The following PPP4R4 variants were observed in gnomAD, a reference collection of about 807,000 sequenced individuals.
PPP4R4 encodes the protein serine/threonine-protein phosphatase 4 regulatory subunit 4.
In PPP4R4, 70 loss-of-function variants were observed where a neutral mutation model predicts 121.8. The ratio of observed to expected loss-of-function variants is 0.57; its 90% CI spans 0.47 to 0.70. The LOEUF (loss-of-function observed/expected upper bound fraction) is 0.70, where lower values mean the gene tolerates loss of function less well. Ranked by LOEUF, PPP4R4 falls within the 30% of genes least tolerant of loss-of-function variation. The pLI, the probability that PPP4R4 is intolerant of heterozygous loss-of-function variation, is 0.00. For missense variants in PPP4R4, 875 were observed against 1,033.6 expected (o/e 0.85, Z 2.10); for synonymous variants, 348 against 355.7 (o/e 0.98, Z 0.24).
intron 3 of PPP4R4, among the ~76,000 whole-genome samples, chr14:94,209,646 C>G (rs1567115918): frequency 6.6e-6 from 1 of 151,986 alleles, no homozygotes; most frequent in Non-Finnish European, 1.5e-5. Context: ...AGGAATTAGG[C>G]CCACACAGAC....
At chr14:94,268,026 A>G (rs549038764) in intron 23 of PPP4R4, among the ~76,000 whole-genome samples, 10 of 152,348 alleles carry the variant, frequency 6.6e-5, no homozygotes, top group African/African-American at 2.4e-4. Context: ...GCAAGAAATA[A>G]TTTGATAACA....
chr14:94,276,145 A>G (rs776219822), intron 24 of PPP4R4, among the ~76,000 whole-genome samples: 7 of 152,228 alleles, frequency 4.6e-5, no homozygotes, highest in Non-Finnish European at 8.8e-5. Flanking sequence ...CAGGGTATAA[A>G]TGATTCAGCC....
intron 19 of PPP4R4, among the ~76,000 whole-genome samples, chr14:94,263,276 C>T (rs765934930): frequency 1.8e-4 from 28 of 151,802 alleles, no homozygotes; most frequent in African/African-American, 6.0e-4. Flanking sequence ...TATTATTGTC[C>T]GTAGGCCAAG....
intron 2 of PPP4R4, among the ~76,000 whole-genome samples, chr14:94,192,029 AT>A (rs1432579781): frequency 6.6e-6 from 1 of 152,080 alleles, no homozygotes; most frequent in African/African-American, 2.4e-5. Context: ...TATACCGCTC[AT>A]ATATTGTGAT....
rs775965791 is a variant in PPP4R4 at position 94,230,550 on chromosome 14, C to T, written c.295-37C>T. 17 of 1,560,462 alleles carry T rather than the reference C, an allele frequency of 1.1e-5. No homozygotes were observed. The African/African-American group carries it at 1.4e-4, about 13-fold the overall frequency. On this transcript the variant is annotated intron_variant, in intron 3 of 24. Transcript: ENST00000304338. ...TTAAAAATTATAATTTGTGATCTCTCATCTATGTAAATAGCAAACTCTTTC... is the reference window on the plus strand; with the variant it reads ...TTAAAAATTATAATTTGTGATCTCTTATCTATGTAAATAGCAAACTCTTTC...
intron 12 of PPP4R4, 150 bp downstream of exon 12, chr14:94,244,862 T>G (rs577657609): frequency 1.5e-6 from 1 of 680,676 alleles, no homozygotes; most frequent in African/African-American, 1.9e-5. Context: ...ATATCATAAA[T>G]AGGATATTGG....
rs986896184 is a variant in PPP4R4 at position 94,254,819 on chromosome 14, G to A, written c.1866-1641G>A. ...ATTTCCTCTGAAATGCCTCCTCCTG[G>A]AAAGGCTTTTTTTTAGGCTCTGGGA... is the stretch of plus-strand genomic sequence containing the variant. On this transcript the variant is annotated intron_variant, in intron 16 of 24. Coordinates refer to ENST00000304338, the MANE Select transcript of PPP4R4 (RefSeq NM_058237.2). Among the ~76,000 whole-genome samples, 35 of 152,244 alleles carry A rather than the reference G, an allele frequency of 2.3e-4. 1 individual carries two copies. Among genetic ancestry groups the A allele is most frequent in the African/African-American group, 6.7e-4 (28 of 41,550 alleles).
At chr14:94,237,072 T>A (rs1447051638) in intron 7 of PPP4R4, among the ~76,000 whole-genome samples, 1 of 152,192 alleles carries the variant, frequency 6.6e-6, no homozygotes, top group Non-Finnish European at 1.5e-5. Flanking sequence ...TATGTTTCAT[T>A]CTGCTAGGTA....
chr14:94,189,615 C>T (rs543194230), intron 2 of PPP4R4, among the ~76,000 whole-genome samples: 1 of 152,278 alleles, frequency 6.6e-6, no homozygotes, highest in East Asian at 1.9e-4. Context: ...TTGGCCTTTC[C>T]TTCTCAACTT....
intron 3 of PPP4R4, chr14:94,227,427 A>G: frequency 6.3e-7 from 1 of 1,582,186 alleles, no homozygotes; most frequent in Non-Finnish European, 8.6e-7. Context: ...ATATGTTTAG[A>G]AAATCAGTTG....
intron 22 of PPP4R4, 32 bp from the exon 23 acceptor site, chr14:94,266,927 T>C (rs1267545352): frequency 7.1e-7 from 1 of 1,402,614 alleles, no homozygotes; most frequent in South Asian, 1.2e-5. Flanking sequence ...AGTGTGTTTT[T>C]GTATTTTAAA....
rs148262540 is a variant in PPP4R4, at chr14:94,275,242, G to C, written c.2450-132G>C. ...AAACCTTAACTTTTTGCAGTTTGTT[G>C]TATGTAAATTATACCCTCATAAAAT... On this transcript the variant is annotated intron_variant, in intron 23 of 24. Transcript: ENST00000304338. 1.2e-5 allele frequency: 12 copies of C among 1,003,114 alleles called. No individual in the cohort carries two copies. The East Asian group carries it at 2.6e-4, about 22-fold the overall frequency. The allele number at this position is 1,003,114 out of a possible 1,614,324, so 62.1% of individuals were successfully genotyped here.
At chr14:94,234,228 T>C (rs1257620333) in intron 6 of PPP4R4, among the ~76,000 whole-genome samples, 1 of 152,206 alleles carries the variant, frequency 6.6e-6, no homozygotes, top group Non-Finnish European at 1.5e-5. Flanking sequence ...GTTTTATAAT[T>C]ATGATACAAG....
At chr14:94,272,087 C>T (rs961169037) in intron 23 of PPP4R4, among the ~76,000 whole-genome samples, 8 of 152,150 alleles carry the variant, frequency 5.3e-5, no homozygotes, top group Non-Finnish European at 1.0e-4. Flanking sequence ...TCAGTTCTTC[C>T]CAACTTGATC....
intron 2 of PPP4R4, among the ~76,000 whole-genome samples, chr14:94,195,034 G>A (rs1234256741): frequency 1.3e-5 from 2 of 152,130 alleles, no homozygotes; most frequent in East Asian, 1.9e-4. Context: ...GAGGAGCCCA[G>A]TAGCCAGGAC....
intron 2 of PPP4R4, among the ~76,000 whole-genome samples, chr14:94,190,970 T>C (rs536672232): frequency 1.2e-4 from 18 of 152,190 alleles, no homozygotes; most frequent in Admixed American, 2.6e-4. Flanking sequence ...TGTATTAATA[T>C]AGATAACTGA....
At chr14:94,219,575 C>A (rs1327216154) in intron 3 of PPP4R4, among the ~76,000 whole-genome samples, 1 of 151,974 alleles carries the variant, frequency 6.6e-6, no homozygotes, top group Non-Finnish European at 1.5e-5. Context: ...TACTCATGAG[C>A]GTAGATGCAA....
At chr14:94,218,401 ACCTCCT>A (rs1891154528) in intron 3 of PPP4R4, among the ~76,000 whole-genome samples, 1 of 88,424 alleles carries the variant, frequency 1.1e-5, no homozygotes, top group South Asian at 4.3e-4. Flanking sequence ...ACACACACAC[ACCTCCT>A]CACCCCTAGA....
intron 23 of PPP4R4, among the ~76,000 whole-genome samples, chr14:94,272,285 G>T (rs1894378327): frequency 6.6e-6 from 1 of 152,188 alleles, no homozygotes; most frequent in Admixed American, 6.5e-5. Flanking sequence ...GATCAAGACA[G>T]TGTGGTATTG....
Sources: gnomAD v4.1 joint callset for allele counts (sites outside exome capture counted in the v4.1 genomes callset) on GRCh38, gnomAD v4.1.1 for gene constraint, MANE v1.5 for transcripts, NCBI Gene and HGNC (gene_info 2026-07-23, HGNC 2026-07-21) for gene names.